Variants in CATSPERE observed in about 807,000 individuals in gnomAD.
The protein encoded by CATSPERE is cation channel sperm-associated auxiliary subunit epsilon.
In CATSPERE, 93 loss-of-function variants were observed where a neutral mutation model predicts 114.1. That is an observed-to-expected ratio of 0.81 (90% CI 0.69 to 0.97). The LOEUF (loss-of-function observed/expected upper bound fraction) is 0.97. Ranked by LOEUF, CATSPERE falls within the 50% of genes least tolerant of loss-of-function variation. CATSPERE has a pLI of 0.00. For missense variants in CATSPERE, 1,058 were observed against 1,131.6 expected, an observed-to-expected ratio of 0.93 and a Z score of 0.93; for synonymous variants, 341 against 384.1, an observed-to-expected ratio of 0.89 and a Z score of 1.31.
chr1:244,596,124 C>A (rs1351420687), intron 17 of CATSPERE, among the ~76,000 whole-genome samples: 7 of 152,100 alleles, frequency 4.6e-5, no homozygotes, highest in Non-Finnish European at 1.0e-4. Flanking sequence ...AAGAAACTGG[C>A]CAAAACCAGC....
intron 17 of CATSPERE, among the ~76,000 whole-genome samples, chr1:244,604,816 A>G (rs1382770528): frequency 6.6e-6 from 1 of 152,238 alleles, no homozygotes; most frequent in Non-Finnish European, 1.5e-5. Flanking sequence ...CTATGTTCAC[A>G]TGGTAGCAGG....
At chr1:244,478,127 G>T in intron 4 of CATSPERE, 152 bp downstream of exon 4, 1 of 465,648 alleles carries the variant, frequency 2.1e-6, no homozygotes, top group Non-Finnish European at 3.8e-6. Context: ...CTATTTTAAA[G>T]TTATTGTATG....
Position 244,461,286 on chromosome 1 carries a change from G to C in CATSPERE, c.-144G>C, listed in dbSNP as rs1348095771. Reference sequence around the variant, plus strand: ...ACGCGCACGCGCACACTTCTCCCTCGCTGGTCTTCAGGCCCGGCCCGCCCT... The same window carrying C: ...ACGCGCACGCGCACACTTCTCCCTCCCTGGTCTTCAGGCCCGGCCCGCCCT... On this transcript the variant is annotated 5_prime_UTR_variant, in exon 1 of 22. Transcript: ENST00000366534. 3.2e-6 allele frequency: 2 copies of C among 623,592 alleles called. No homozygotes were observed. The highest frequency in any genetic ancestry group is 8.8e-5 in the Admixed American group (2 of 22,848). 38.6% of individuals were successfully genotyped at this position (623,592 alleles called of 1,614,324 possible).
intron 20 of CATSPERE, among the ~76,000 whole-genome samples, chr1:244,618,204 G>A (rs1249523660): frequency 1.3e-5 from 2 of 152,152 alleles, no homozygotes; most frequent in Non-Finnish European, 2.9e-5. Context: ...AGAGACAGAC[G>A]CTTCCAGTGA....
chr1:244,474,024 CT>C (rs909072631), intron 2 of CATSPERE, among the ~76,000 whole-genome samples: 1 of 151,050 alleles, frequency 6.6e-6, no homozygotes, highest in Non-Finnish European at 1.5e-5. Flanking sequence ...TGGTTTCTTT[CT>C]TTTTTTTGCT....
At chr1:244,561,242 T>G (rs762714288) in intron 10 of CATSPERE, 97 bp downstream of exon 10, 3 of 895,408 alleles carry the variant, frequency 3.4e-6, no homozygotes, top group Non-Finnish European at 5.1e-6. Context: ...ATGTGTGGCG[T>G]TTTTGGCAGC....
intron 21 of CATSPERE, 79 bp downstream of exon 21, chr1:244,635,621 TC>T: frequency 9.4e-7 from 1 of 1,067,374 alleles, no homozygotes; most frequent in Non-Finnish European, 1.4e-6. Flanking sequence ...AAAGCACCTC[TC>T]CCCCGTGTCT....
intron 21 of CATSPERE, among the ~76,000 whole-genome samples, chr1:244,639,545 C>G (rs1426154973): frequency 6.6e-6 from 1 of 152,160 alleles, no homozygotes; most frequent in Non-Finnish European, 1.5e-5. Context: ...CAAAAATTAG[C>G]TGGGTGTGGT....
chr1:244,476,110 A>G (rs1389639209), intron 2 of CATSPERE, among the ~76,000 whole-genome samples: 1 of 152,038 alleles, frequency 6.6e-6, no homozygotes, highest in East Asian at 1.9e-4. Context: ...TAATTGTTCT[A>G]TGTGAGCTTG....
chr1:244,580,260 CCAAGCTGGTCTTGAACTCCTAACCT>C (rs1665972533), intron 11 of CATSPERE, among the ~76,000 whole-genome samples: 1 of 146,890 alleles, frequency 6.8e-6, no homozygotes, highest in Non-Finnish European at 1.5e-5. Flanking sequence ...ACCATGTTGG[CCAAGCTGGTCTTGAACTCCTAACCT>C]CAAGTGATCT....
chr1:244,566,679 T>TTTTTTTTTTTTTTTTTTTC (rs1663594498), intron 10 of CATSPERE, among the ~76,000 whole-genome samples: 1 of 120,962 alleles, frequency 8.3e-6, no homozygotes, highest in Non-Finnish European at 1.8e-5. Context: ...TTTTTTTTTT[T>TTTTTTTTTTTTTTTTTTTC]TTTTTTTTGC....
At chr1:244,516,077 G>A (rs1176805603) in intron 7 of CATSPERE, among the ~76,000 whole-genome samples, 1 of 151,578 alleles carries the variant, frequency 6.6e-6, no homozygotes, top group African/African-American at 2.4e-5. Context: ...ACTTGTCACA[G>A]CTATTCGGGA....
intron 8 of CATSPERE, among the ~76,000 whole-genome samples, chr1:244,522,800 C>G (rs1329280147): frequency 6.6e-6 from 1 of 152,116 alleles, no homozygotes. Context: ...AGCTGAATCT[C>G]TGAATAGACC....
intron 2 of CATSPERE, 123 bp downstream of exon 2, chr1:244,464,079 A>T (rs546493684): frequency 1.4e-6 from 1 of 730,128 alleles, no homozygotes; most frequent in Admixed American, 2.3e-5. Flanking sequence ...CGTTTCTTTC[A>T]TCCGGTGTAT....
chr1:244,532,981 G>GTCTC (rs60204548), intron 8 of CATSPERE, among the ~76,000 whole-genome samples: 19,387 of 151,680 alleles, frequency 0.13, 2,134 homozygotes, highest in African/African-American at 0.3. Flanking sequence ...TTGTATTGGG[G>GTCTC]TCTCTCTCTC....
chr1:244,593,074 G>A (rs1411501648), intron 15 of CATSPERE, among the ~76,000 whole-genome samples: 1 of 152,216 alleles, frequency 6.6e-6, no homozygotes, highest in Non-Finnish European at 1.5e-5. Flanking sequence ...GGGAAGAACT[G>A]TACTGGAATA....
At chr1:244,531,620 A>G (rs1266204604) in intron 8 of CATSPERE, among the ~76,000 whole-genome samples, 2 of 152,144 alleles carry the variant, frequency 1.3e-5, no homozygotes, top group Non-Finnish European at 2.9e-5. Flanking sequence ...TGTTGATATA[A>G]TGTATCACAT....
Position 244,462,147 on chromosome 1 carries a change from C to A in CATSPERE, c.65+653C>A, listed in dbSNP as rs557324571. ...GCGCCCCGGCCCCTGTGAATTCTTACATTCCTCTCACCTTGTGCAGCCTTC... is the reference window on the plus strand; with the variant it reads ...GCGCCCCGGCCCCTGTGAATTCTTAAATTCCTCTCACCTTGTGCAGCCTTC... On this transcript the variant is annotated intron_variant, in intron 1 of 21. Coordinates refer to ENST00000366534, the MANE Select transcript of CATSPERE (RefSeq NM_001130957.2). 2.0e-5 allele frequency among the ~76,000 whole-genome samples: 3 copies of A among 152,292 alleles called. No individual in the cohort carries two copies. The South Asian group carries it at 6.2e-4, about 32-fold the overall frequency.
rs147838458 is a variant in CATSPERE at position 244,480,329 on chromosome 1, G to A, written c.326+545G>A. ...TAAGTTAAAAAAGTATCAGTGATTC[G>A]GAATATGCTTTAGCATCATAGTCTC... On this transcript the variant is annotated intron_variant, in intron 5 of 21. Transcript: ENST00000366534. 3.0e-4 allele frequency among the ~76,000 whole-genome samples: 46 copies of A among 152,182 alleles called. No homozygotes were observed. The East Asian group carries it at 7.5e-3, about 25-fold the overall frequency.
Sources: gnomAD v4.1 joint callset for allele counts (sites outside exome capture counted in the v4.1 genomes callset) on GRCh38, gnomAD v4.1.1 for gene constraint, MANE v1.5 for transcripts, NCBI Gene and HGNC (gene_info 2026-07-23, HGNC 2026-07-21) for gene names.